PTPN4: variants seen among roughly 807,000 people sequenced by gnomAD.
The protein encoded by PTPN4 is tyrosine-protein phosphatase non-receptor type 4.
Under a neutral mutation model 135.5 loss-of-function variants are expected in PTPN4, and 49 were observed. The ratio of observed to expected loss-of-function variants is 0.36; its 90% confidence interval spans 0.29 to 0.46. The LOEUF (loss-of-function observed/expected upper bound fraction) is 0.46, where lower values mean the gene tolerates loss of function less well. Ranked by LOEUF, PTPN4 falls within the 20% of genes least tolerant of loss-of-function variation. PTPN4 has a pLI of 1.00. For missense variants in PTPN4, 860 were observed against 1,101.0 expected (o/e 0.78, Z 3.10); for synonymous variants, 333 against 369.9 (o/e 0.90, Z 1.14).
rs531101627 is a variant in PTPN4 at position 119,956,377 on chromosome 2, C to T, written c.1981-467C>T. Among the ~76,000 whole-genome samples, 3 of 151,692 alleles carry T rather than the reference C, an allele frequency of 2.0e-5. No individual in the cohort carries two copies. The South Asian group carries it at 6.2e-4, about 32-fold the overall frequency. ...TACAGGCATGCACAGCCATGCTAGG[C>T]TCCCTGGATAGTTTTTAATGTGTTT... On this transcript the variant is annotated intron_variant, in intron 20 of 26. Transcript: ENST00000263708.
chr2:119,910,367 G>T (rs1409237261), intron 10 of PTPN4, among the ~76,000 whole-genome samples: 2 of 152,024 alleles, frequency 1.3e-5, no homozygotes. Flanking sequence ...CTTTATCACA[G>T]TATTCGCTTT....
chr2:119,896,781 T>C (rs2105012478), intron 9 of PTPN4, among the ~76,000 whole-genome samples: 1 of 152,346 alleles, frequency 6.6e-6, no homozygotes, highest in Middle Eastern at 3.4e-3. Context: ...TTTCCTTTTA[T>C]TTACCTGGTT....
At chr2:119,858,635 C>T (rs1677715096) in intron 2 of PTPN4, among the ~76,000 whole-genome samples, 1 of 151,584 alleles carries the variant, frequency 6.6e-6, no homozygotes, top group Non-Finnish European at 1.5e-5. Context: ...TTTATTTTTT[C>T]AGTCTGTTTT....
At chr2:119,946,659 G>A in intron 18 of PTPN4, 85 bp downstream of exon 18, 1 of 1,063,450 alleles carries the variant, frequency 9.4e-7, no homozygotes, top group Non-Finnish European at 1.4e-6. Flanking sequence ...AATAAAACAA[G>A]GAATTTCATC....
At chr2:119,801,374 C>T (rs1040689409) in intron 1 of PTPN4, among the ~76,000 whole-genome samples, 4 of 152,196 alleles carry the variant, frequency 2.6e-5, no homozygotes, top group African/African-American at 9.6e-5. Context: ...AGGCGTGAGT[C>T]ACTGCGCCTG....
chr2:119,766,428 T>A (rs1291290302), intron 1 of PTPN4, among the ~76,000 whole-genome samples: 3 of 147,022 alleles, frequency 2.0e-5, no homozygotes, highest in Non-Finnish European at 4.5e-5. Context: ...CCCATTTCAC[T>A]GGTGTATGCG....
intron 24 of PTPN4, 152 bp from the exon 25 acceptor site, chr2:119,965,345 C>A: frequency 1.4e-6 from 1 of 706,662 alleles, no homozygotes; most frequent in Non-Finnish European, 2.2e-6. Context: ...GGTCAGAGAG[C>A]AGCTGACCTA....
In PTPN4 at chr2:119,809,819, T is replaced by G; in HGVS notation, c.-17-18T>G. 6.5e-7 allele frequency: 1 copy of G among 1,550,040 alleles called. No individual in the cohort carries two copies. Among genetic ancestry groups the G allele is most frequent in the South Asian group, 1.2e-5 (1 of 81,492 alleles). The stretch of plus-strand genomic sequence containing the variant: ...TTACGAACCTTTTATTTAGTGAATT[T>G]TTTTTTTTTTAACTTAGACTTTGTG... On this transcript the variant is annotated intron_variant, in intron 1 of 26. Coordinates refer to ENST00000263708, the MANE Select transcript of PTPN4 (RefSeq NM_002830.4).
chr2:119,958,040 A>G (rs1236471712), intron 22 of PTPN4, among the ~76,000 whole-genome samples: 1 of 152,164 alleles, frequency 6.6e-6, no homozygotes, highest in Non-Finnish European at 1.5e-5. Flanking sequence ...AAAAACTACT[A>G]AAATCAAATG....
intron 13 of PTPN4, among the ~76,000 whole-genome samples, chr2:119,927,369 C>A (rs1005710288): frequency 5.9e-5 from 9 of 152,040 alleles, no homozygotes; most frequent in African/African-American, 2.2e-4. Flanking sequence ...ACCTTGGCCT[C>A]CCAAAGTGCT....
At chr2:119,916,199 CAAA>C (rs765455287) in intron 11 of PTPN4, 20 of 52,226 alleles carry the variant, frequency 3.8e-4, no homozygotes, top group Admixed American at 4.3e-4. Context: ...GGCCCTGTCT[CAAA>C]AAAAAAAAAA....
chr2:119,811,267 G>C (rs1281357127), intron 2 of PTPN4, among the ~76,000 whole-genome samples: 1 of 151,970 alleles, frequency 6.6e-6, no homozygotes, highest in Non-Finnish European at 1.5e-5. Context: ...ACCAGTTTAA[G>C]CTTAAAATTT....
intron 2 of PTPN4, among the ~76,000 whole-genome samples, chr2:119,823,198 TCTC>T (rs556271026): frequency 4.9e-4 from 75 of 152,200 alleles, no homozygotes; most frequent in South Asian, 3.9e-3. Flanking sequence ...AAAGCTCTCT[TCTC>T]TGTGATCACA....
At chr2:119,807,931 CA>C (rs1417112758) in intron 1 of PTPN4, among the ~76,000 whole-genome samples, 1 of 152,188 alleles carries the variant, frequency 6.6e-6, no homozygotes, top group Non-Finnish European at 1.5e-5. Flanking sequence ...ATACACAAAT[CA>C]ATAAACGTAA....
chr2:119,807,184 A>G (rs985096282), intron 1 of PTPN4, among the ~76,000 whole-genome samples: 1 of 152,214 alleles, frequency 6.6e-6, no homozygotes, highest in Non-Finnish European at 1.5e-5. Context: ...AAGCAAGAGC[A>G]AACACATTCA....
chr2:119,863,643 G>A (rs1313747944), intron 3 of PTPN4, among the ~76,000 whole-genome samples: 2 of 151,884 alleles, frequency 1.3e-5, no homozygotes, highest in Non-Finnish European at 1.5e-5. Flanking sequence ...TATATCAAAC[G>A]TTAAATACTA....
intron 1 of PTPN4, among the ~76,000 whole-genome samples, chr2:119,807,593 G>A (rs1298798533): frequency 7.2e-5 from 11 of 152,052 alleles, no homozygotes; most frequent in South Asian, 6.2e-4. Flanking sequence ...ATAGCCTACC[G>A]ACCAAAAAAA....
At chr2:119,764,971 G>C (rs1690582691) in intron 1 of PTPN4, among the ~76,000 whole-genome samples, 1 of 152,188 alleles carries the variant, frequency 6.6e-6, no homozygotes. Flanking sequence ...AAAGATCACA[G>C]ACTTTGGAGT....
chr2:119,938,915 A>G (rs1243723350), intron 15 of PTPN4, among the ~76,000 whole-genome samples: 2 of 152,124 alleles, frequency 1.3e-5, no homozygotes, highest in East Asian at 3.9e-4. Flanking sequence ...TTTGTTTTAG[A>G]TGCAACTATA....
Sources: allele counts gnomAD v4.1 joint callset (sites outside exome capture counted in the v4.1 genomes callset), GRCh38; gene constraint gnomAD v4.1.1; transcripts MANE v1.5; gene names NCBI Gene and HGNC (gene_info 2026-07-23, HGNC 2026-07-21).